SLC5A4: variants seen among roughly 807,000 people sequenced by gnomAD.
The protein encoded by SLC5A4 is probable glucose sensor protein SLC5A4.
SLC5A4 carries 55 observed loss-of-function variants against 70.3 expected under a neutral mutation model. That is an observed-to-expected ratio of 0.78 (90% CI 0.63 to 0.98). The LOEUF is 0.98. Ranked by LOEUF, SLC5A4 falls within the 50% of genes least tolerant of loss-of-function variation. The pLI, the probability that SLC5A4 is intolerant of heterozygous loss-of-function variation, is 0.00. For missense variants in SLC5A4, 735 were observed against 839.2 expected, an observed-to-expected ratio of 0.88 and a Z score of 1.53; for synonymous variants, 268 against 305.7, an observed-to-expected ratio of 0.88 and a Z score of 1.29.
At position 32,237,227 on chromosome 22, in the gene SLC5A4, G is replaced by A. The variant is rs764734229; in HGVS notation, c.664+17C>T. 1.2e-5 allele frequency: 19 copies of A among 1,584,124 alleles called. No homozygotes were observed. Among genetic ancestry groups the A allele is most frequent in the Admixed American group, 1.7e-5 (1 of 58,738 alleles). On this transcript the variant is annotated intron_variant, in intron 7 of 14. Coordinates refer to ENST00000266086, the MANE Select transcript of SLC5A4 (RefSeq NM_014227.3). ...GATTTCCAGGCCCTGGGCACTGCAC[G>A]CAGGGTCATCACTTACCAAACCCCA...
the SLC5A4 span, among the ~76,000 whole-genome samples, chr22:32,290,458 AC>A: frequency 6.6e-6 from 1 of 152,144 alleles, no homozygotes; most frequent in African/African-American, 2.4e-5. Flanking sequence ...TGATTTTATT[AC>A]TACAGGACTC....
the SLC5A4 span, among the ~76,000 whole-genome samples, chr22:32,262,381 C>T: frequency 1.3e-5 from 2 of 152,172 alleles, no homozygotes; most frequent in African/African-American, 2.4e-5. Flanking sequence ...TTGTTGCTCA[C>T]AGCAGGTCTG....
chr22:32,272,125 A>G, the SLC5A4 span: 634 of 674,898 alleles, frequency 9.4e-4, 1 homozygote, highest in African/African-American at 9.8e-3. Flanking sequence ...TCGCTGCAGC[A>G]AGGAGACCAG....
chr22:32,311,996 G>A, the SLC5A4 span, among the ~76,000 whole-genome samples: 7 of 152,078 alleles, frequency 4.6e-5, no homozygotes, highest in South Asian at 8.3e-4. Flanking sequence ...CCCACTGTGA[G>A]CTTTTTCTGC....
At chr22:32,267,817 A>G in the SLC5A4 span, among the ~76,000 whole-genome samples, 2 of 152,198 alleles carry the variant, frequency 1.3e-5, no homozygotes, top group African/African-American at 2.4e-5. Context: ...TATGACATCA[A>G]CTTCCCAAAG....
At chr22:32,344,310 GAC>G in the SLC5A4 span, among the ~76,000 whole-genome samples, 1 of 152,106 alleles carries the variant, frequency 6.6e-6, no homozygotes, top group South Asian at 2.1e-4. Flanking sequence ...CATTACTGTA[GAC>G]ACACACAAAT....
chr22:32,282,334 A>G, the SLC5A4 span, among the ~76,000 whole-genome samples: 52,644 of 151,720 alleles, frequency 0.35, 9,287 homozygotes, highest in East Asian at 0.42. Context: ...TGAGCCACCC[A>G]CTGAGTCTGA....
chr22:32,326,550 C>T, the SLC5A4 span, among the ~76,000 whole-genome samples: 2 of 152,064 alleles, frequency 1.3e-5, no homozygotes, highest in African/African-American at 2.4e-5. Context: ...CCACTGTGCC[C>T]GGCCACCTTC....
the SLC5A4 span, among the ~76,000 whole-genome samples, chr22:32,316,098 G>A: frequency 8.4e-6 from 1 of 118,948 alleles, no homozygotes; most frequent in East Asian, 2.2e-4. Context: ...GAACCCAGGA[G>A]ACTCTGTCTG....
At chr22:32,271,510 A>C in the SLC5A4 span, 1 of 720,192 alleles carries the variant, frequency 1.4e-6, no homozygotes, top group Non-Finnish European at 2.6e-6. Context: ...AGCTTCCGTG[A>C]GAAGAAGCCG....
chr22:32,305,645 G>A, the SLC5A4 span, among the ~76,000 whole-genome samples: 2 of 136,198 alleles, frequency 1.5e-5, no homozygotes, highest in Non-Finnish European at 3.1e-5. Context: ...GGCGGGTGGG[G>A]CCAGAATCAA....
rs765173572 is a variant in SLC5A4, at chr22:32,237,226, C to G, written c.664+18G>C. Reference sequence around the variant, plus strand: ...TGATTTCCAGGCCCTGGGCACTGCACGCAGGGTCATCACTTACCAAACCCC... The same window carrying G: ...TGATTTCCAGGCCCTGGGCACTGCAGGCAGGGTCATCACTTACCAAACCCC... On this transcript the variant is annotated intron_variant, in intron 7 of 14. Coordinates refer to ENST00000266086, the MANE Select transcript of SLC5A4 (RefSeq NM_014227.3). The G allele has an allele frequency of 6.3e-7, 1 of 1,584,550 alleles. No individual in the cohort carries two copies. Among genetic ancestry groups the G allele is most frequent in the Non-Finnish European group, 8.6e-7 (1 of 1,158,244 alleles).
the SLC5A4 span, among the ~76,000 whole-genome samples, chr22:32,303,898 C>A: frequency 3.3e-5 from 5 of 152,104 alleles, no homozygotes; most frequent in Non-Finnish European, 5.9e-5. Flanking sequence ...AAAGTGGGTA[C>A]CATTTTGCAT....
intron 7 of SLC5A4, among the ~76,000 whole-genome samples, chr22:32,235,524 T>C (rs1430166113): frequency 1.3e-5 from 2 of 152,174 alleles, no homozygotes; most frequent in East Asian, 1.9e-4. Context: ...CCTCTCTTCT[T>C]GACCCAGAGC....
the SLC5A4 span, among the ~76,000 whole-genome samples, chr22:32,300,147 G>A: frequency 6.6e-6 from 1 of 152,176 alleles, no homozygotes; most frequent in African/African-American, 2.4e-5. Context: ...AGCCTACAGA[G>A]GCAGGCAGGC....
chr22:32,247,656 A>G (rs527631709), intron 4 of SLC5A4, 141 bp from the exon 5 acceptor site: 1 of 655,638 alleles, frequency 1.5e-6, no homozygotes, highest in African/African-American at 1.8e-5. Flanking sequence ...CTTCTTACTC[A>G]TAGAGGCATC....
chr22:32,231,258 A>G (rs1465479915), intron 9 of SLC5A4, among the ~76,000 whole-genome samples, 183 bp from the exon 10 acceptor site: 1 of 152,256 alleles, frequency 6.6e-6, no homozygotes, highest in Non-Finnish European at 1.5e-5. Context: ...AACCCCAAGT[A>G]TCTTATCCCC....
the SLC5A4 span, among the ~76,000 whole-genome samples, chr22:32,281,786 C>A: frequency 6.6e-6 from 1 of 151,958 alleles, no homozygotes; most frequent in Non-Finnish European, 1.5e-5. Context: ...CCACTGTACC[C>A]TGATTGTTCC....
chr22:32,285,382 C>T, the SLC5A4 span, among the ~76,000 whole-genome samples: 2 of 152,046 alleles, frequency 1.3e-5, no homozygotes, highest in Non-Finnish European at 2.9e-5. Flanking sequence ...ATAAGAGTAC[C>T]CTTTTCTCAC....
Sources: allele counts gnomAD v4.1 joint callset (sites outside exome capture counted in the v4.1 genomes callset), GRCh38; gene constraint gnomAD v4.1.1; transcripts MANE v1.5; gene names NCBI Gene and HGNC (gene_info 2026-07-23, HGNC 2026-07-21).